Variants in MACROD2 observed in about 807,000 individuals in gnomAD.
MACROD2 encodes mono-ADP ribosylhydrolase 2.
In MACROD2, 36 loss-of-function variants were observed where a neutral mutation model predicts 70.4. That is an observed-to-expected ratio of 0.51 (90% CI 0.39 to 0.68). MACROD2 has a LOEUF of 0.68. Ranked by LOEUF, MACROD2 falls within the 30% of genes least tolerant of loss-of-function variation. The pLI, the probability that MACROD2 is intolerant of heterozygous loss-of-function variation, is 0.00. For synonymous variants in MACROD2, 172 were observed against 178.8 expected (o/e 0.96, Z 0.30); for missense variants, 496 against 538.4 (o/e 0.92, Z 0.78).
chr20:15,771,784 T>C (rs978088924), intron 8 of MACROD2, among the ~76,000 whole-genome samples: 18 of 151,982 alleles, frequency 1.2e-4, no homozygotes, highest in East Asian at 9.7e-4. Context: ...ACATCTAAGA[T>C]AGTTTTAAAA....
chr20:14,144,578 T>C (rs2054920789), intron 3 of MACROD2, among the ~76,000 whole-genome samples: 1 of 152,234 alleles, frequency 6.6e-6, no homozygotes, highest in Non-Finnish European at 1.5e-5. Context: ...TTGTCTGTTC[T>C]TACAGCACTT....
intron 5 of MACROD2, among the ~76,000 whole-genome samples, chr20:15,180,246 C>A (rs765699408): frequency 3.3e-5 from 5 of 152,184 alleles, no homozygotes; most frequent in Non-Finnish European, 7.3e-5. Context: ...CCATAACAGT[C>A]TGTTTTGCTG....
intron 6 of MACROD2, among the ~76,000 whole-genome samples, chr20:15,401,191 C>T (rs1425227010): frequency 1.3e-5 from 2 of 152,102 alleles, no homozygotes; most frequent in South Asian, 2.1e-4. Context: ...GCGCCCACCA[C>T]CACGCCCGGC....
At chr20:15,273,148 G>A (rs1057378281) in intron 6 of MACROD2, among the ~76,000 whole-genome samples, 4 of 152,092 alleles carry the variant, frequency 2.6e-5, no homozygotes, top group African/African-American at 9.7e-5. Flanking sequence ...TGAGTCAGTG[G>A]GCTGGGGAAG....
chr20:14,336,920 G>A (rs2082947977), intron 3 of MACROD2, among the ~76,000 whole-genome samples: 1 of 152,174 alleles, frequency 6.6e-6, no homozygotes, highest in Admixed American at 6.5e-5. Flanking sequence ...AAGTCTCCAG[G>A]AGTAGCTCGG....
At chr20:14,311,090 T>C (rs2082563340) in intron 3 of MACROD2, among the ~76,000 whole-genome samples, 1 of 152,210 alleles carries the variant, frequency 6.6e-6, no homozygotes, top group Non-Finnish European at 1.5e-5. Context: ...AGCTTAAGTG[T>C]ACAGTGTTTA....
chr20:14,901,898 G>A (rs1454476013), intron 5 of MACROD2, among the ~76,000 whole-genome samples: 1 of 152,008 alleles, frequency 6.6e-6, no homozygotes, highest in Non-Finnish European at 1.5e-5. Context: ...GGCCAAAGGT[G>A]GAAAAGGCCT....
intron 3 of MACROD2, among the ~76,000 whole-genome samples, chr20:14,465,987 T>C (rs1304536355): frequency 6.6e-6 from 1 of 152,032 alleles, no homozygotes; most frequent in Non-Finnish European, 1.5e-5. Context: ...CATTTCAACT[T>C]TGGTGAATCT....
At chr20:15,062,862 A>G (rs2075544079) in intron 5 of MACROD2, among the ~76,000 whole-genome samples, 1 of 152,158 alleles carries the variant, frequency 6.6e-6, no homozygotes, top group Non-Finnish European at 1.5e-5. Flanking sequence ...AGCTCTTGCA[A>G]TTCTTGCCTC....
intron 5 of MACROD2, among the ~76,000 whole-genome samples, chr20:14,862,827 G>C (rs1324886359): frequency 6.8e-6 from 1 of 146,862 alleles, no homozygotes; most frequent in African/African-American, 2.5e-5. Flanking sequence ...AGAATTTTCA[G>C]AGAAGAGAGC....
At chr20:14,231,991 G>T (rs1356523979) in intron 3 of MACROD2, among the ~76,000 whole-genome samples, 2 of 151,090 alleles carry the variant, frequency 1.3e-5, no homozygotes, top group Non-Finnish European at 3.0e-5. Flanking sequence ...GGGGTTGTTT[G>T]TTTTTTTTCT....
intron 4 of MACROD2, among the ~76,000 whole-genome samples, chr20:14,578,948 T>A (rs1275250236): frequency 6.6e-6 from 1 of 151,798 alleles, no homozygotes; most frequent in Non-Finnish European, 1.5e-5. Flanking sequence ...TAAATGTTCT[T>A]CCCATGTTTC....
chr20:14,650,758 AT>A lies in MACROD2; in HGVS notation c.302-34083del, dbSNP rs1985636581. 2.0e-5 allele frequency among the ~76,000 whole-genome samples: 3 copies of A among 152,186 alleles called. No homozygotes were observed. The South Asian group carries it at 6.2e-4, about 31-fold the overall frequency. On this transcript the variant is annotated intron_variant, in intron 4 of 17. Coordinates refer to ENST00000684519, the MANE Select transcript of MACROD2 (RefSeq NM_001351661.2). ...AAACCCCTTCCATTGTTTAAAAAACATTGTTAATAACCCTTCGCACTACACA... is the reference window on the plus strand; with the variant it reads ...AAACCCCTTCCATTGTTTAAAAAACATGTTAATAACCCTTCGCACTACACA...
intron 6 of MACROD2, among the ~76,000 whole-genome samples, chr20:15,389,752 A>G (rs1394220182): frequency 6.6e-6 from 1 of 152,218 alleles, no homozygotes; most frequent in Non-Finnish European, 1.5e-5. Context: ...GAATGTGCTC[A>G]GTTCTCTTCT....
rs190519125 is a variant in MACROD2, at chr20:14,930,624, G to A, written c.418+245665G>A. Among the ~76,000 whole-genome samples, 23 of 152,022 alleles carry A rather than the reference G, an allele frequency of 1.5e-4. No individual in the cohort carries two copies. The East Asian group carries it at 4.3e-3, about 28-fold the overall frequency. ...CCTGCCATGACACCTTCTCAGAGCT[G>A]GTACTCAATAACAGTATTAAACATT... On this transcript the variant is annotated intron_variant, in intron 5 of 17. Transcript: ENST00000684519.
At chr20:15,903,595 G>T (rs1298060723) in intron 10 of MACROD2, among the ~76,000 whole-genome samples, 1 of 152,182 alleles carries the variant, frequency 6.6e-6, no homozygotes, top group African/African-American at 2.4e-5. Flanking sequence ...GTGGGGCTGA[G>T]AATCTTCACG....
rs894713894 is a variant in MACROD2 at position 16,050,916 on chromosome 20, A to C, written c.*1040A>C. 6.6e-6 allele frequency: 1 copy of C among 152,250 alleles called. No individual in the cohort carries two copies. The highest frequency in any genetic ancestry group is 1.5e-5 in the Non-Finnish European group (1 of 68,070). The allele number at this position is 152,250 out of a possible 1,614,324, so 9.4% of individuals were successfully genotyped here. ...TCCTGGCCTGTGTTTAAATGCTGTC[A>C]CTTGTTTATGCCAAGTTCAAGGCTG... is the stretch of plus-strand genomic sequence containing the variant. On this transcript the variant is annotated 3_prime_UTR_variant, in exon 18 of 18. Transcript: ENST00000684519.
chr20:15,264,947 G>C (rs1021685381), intron 6 of MACROD2, among the ~76,000 whole-genome samples: 1 of 152,080 alleles, frequency 6.6e-6, no homozygotes, highest in Non-Finnish European at 1.5e-5. Flanking sequence ...TGCTTCTTTA[G>C]TTAAAAGCAC....
chr20:15,386,363 G>T (rs1351740117), intron 6 of MACROD2, among the ~76,000 whole-genome samples: 3 of 152,138 alleles, frequency 2.0e-5, no homozygotes, highest in African/African-American at 7.2e-5. Flanking sequence ...AGTTGGGAGG[G>T]AGTTTAAAAA....
Sources: gnomAD v4.1 joint callset for allele counts (sites outside exome capture counted in the v4.1 genomes callset) on GRCh38, gnomAD v4.1.1 for gene constraint, MANE v1.5 for transcripts, NCBI Gene and HGNC (gene_info 2026-07-23, HGNC 2026-07-21) for gene names.